The following CDK8 variants were observed in gnomAD, a reference collection of about 807,000 sequenced individuals.
CDK8 encodes cyclin-dependent kinase 8.
CDK8 carries 29 observed loss-of-function variants against 71.5 expected under a neutral mutation model. The observed-to-expected ratio is 0.41, with a 90% CI of 0.30 to 0.55. CDK8 has a LOEUF of 0.55. CDK8 is among the 20% of genes least tolerant of loss of function. CDK8 has a pLI of 0.37. For synonymous variants in CDK8, 161 were observed against 192.1 expected, an observed-to-expected ratio of 0.84 and a Z score of 1.34; for missense variants, 288 against 572.6, an observed-to-expected ratio of 0.50 and a Z score of 5.07.
At chr13:26,383,134 G>C (rs1875310062) in intron 5 of CDK8, among the ~76,000 whole-genome samples, 1 of 152,164 alleles carries the variant, frequency 6.6e-6, no homozygotes, top group Non-Finnish European at 1.5e-5. Context: ...ATGGCCTATA[G>C]AGGTGAGGGG....
At position 26,391,377 on chromosome 13, in the gene CDK8, G is replaced by A. The variant is rs547285776; in HGVS notation, c.647-1990G>A. On this transcript the variant is annotated intron_variant, in intron 6 of 12. Coordinates refer to ENST00000381527, the MANE Select transcript of CDK8 (RefSeq NM_001260.3). ...CCGCCTCAGCCTCCTGAGTAGCTGG[G>A]ACTACAGGCATATGCCAGTATGCTC... Among the ~76,000 whole-genome samples the A allele has an allele frequency of 1.1e-3, 171 of 152,310 alleles. 1 individual carries two copies. The highest frequency in any genetic ancestry group is 5.4e-4 in the Non-Finnish European group (37 of 68,032).
At chr13:26,338,283 A>G (rs1050598898) in intron 2 of CDK8, among the ~76,000 whole-genome samples, 6 of 152,020 alleles carry the variant, frequency 3.9e-5, no homozygotes, top group African/African-American at 1.2e-4. Context: ...ATATTCTAGG[A>G]TATATATTAT....
intron 4 of CDK8, among the ~76,000 whole-genome samples, chr13:26,355,314 C>T (rs1873846660): frequency 6.6e-6 from 1 of 152,290 alleles, no homozygotes; most frequent in East Asian, 1.9e-4. Flanking sequence ...GAATATTTCA[C>T]TTATAAAAAT....
In CDK8 at chr13:26,386,638, G is replaced by C. The variant is rs551668997; in HGVS notation, c.646+1296G>C. On this transcript the variant is annotated intron_variant, in intron 6 of 12. Coordinates refer to ENST00000381527, the MANE Select transcript of CDK8 (RefSeq NM_001260.3). ...GTATGTTCTCATGTAAATTCCTTTGGAACTGTATCTTAGAGGTAAATTTTC... is the reference window on the plus strand; with the variant it reads ...GTATGTTCTCATGTAAATTCCTTTGCAACTGTATCTTAGAGGTAAATTTTC... 2.8e-4 allele frequency among the ~76,000 whole-genome samples: 42 copies of C among 152,128 alleles called. No homozygotes were observed. In the South Asian group the frequency reaches 8.7e-3, roughly 32 times the overall value.
intron 1 of CDK8, among the ~76,000 whole-genome samples, chr13:26,313,451 A>G (rs929730155): frequency 6.6e-6 from 1 of 152,228 alleles, no homozygotes; most frequent in African/African-American, 2.4e-5. Context: ...TATCATTAAC[A>G]TAAATAGAGA....
intron 4 of CDK8, among the ~76,000 whole-genome samples, chr13:26,366,444 G>A (rs1307545298): frequency 1.3e-5 from 2 of 151,996 alleles, no homozygotes; most frequent in Non-Finnish European, 2.9e-5. Flanking sequence ...ATCAGTAACC[G>A]TTACTGAATT....
At chr13:26,273,658 T>G (rs1459819168) in intron 1 of CDK8, among the ~76,000 whole-genome samples, 1 of 151,536 alleles carries the variant, frequency 6.6e-6, no homozygotes, top group Non-Finnish European at 1.5e-5. Context: ...TCCAGGTGCT[T>G]TAAAAAATAT....
At chr13:26,372,154 T>G (rs985533602) in intron 4 of CDK8, among the ~76,000 whole-genome samples, 1 of 152,164 alleles carries the variant, frequency 6.6e-6, no homozygotes, top group Non-Finnish European at 1.5e-5. Context: ...TGCATTAATC[T>G]CTCAGAACAC....
At chr13:26,280,044 T>C (rs1872683335) in intron 1 of CDK8, among the ~76,000 whole-genome samples, 1 of 152,160 alleles carries the variant, frequency 6.6e-6, no homozygotes. Context: ...GATATATAGA[T>C]GTTTATTATA....
At chr13:26,281,397 C>T (rs1233005613) in intron 1 of CDK8, among the ~76,000 whole-genome samples, 1 of 152,204 alleles carries the variant, frequency 6.6e-6, no homozygotes, top group Non-Finnish European at 1.5e-5. Context: ...ACAATCACTG[C>T]AGTGTGGCTT....
chr13:26,334,920 G>A (rs1392292755), intron 1 of CDK8, among the ~76,000 whole-genome samples: 1 of 152,006 alleles, frequency 6.6e-6, no homozygotes, highest in Non-Finnish European at 1.5e-5. Context: ...CTTTCCATCT[G>A]TATTCGTTCC....
intron 2 of CDK8, among the ~76,000 whole-genome samples, chr13:26,347,627 A>G (rs1397817565): frequency 6.6e-6 from 1 of 152,210 alleles, no homozygotes; most frequent in Non-Finnish European, 1.5e-5. Flanking sequence ...CAAAAGACAT[A>G]CTAAATAGAC....
At chr13:26,393,050 A>T (rs913200522) in intron 6 of CDK8, among the ~76,000 whole-genome samples, 1 of 152,202 alleles carries the variant, frequency 6.6e-6, no homozygotes, top group Admixed American at 6.5e-5. Context: ...TCACCTGGAC[A>T]TTGAAAACTC....
intron 1 of CDK8, among the ~76,000 whole-genome samples, chr13:26,270,471 C>T (rs1055230131): frequency 5.3e-5 from 8 of 151,882 alleles, no homozygotes; most frequent in East Asian, 3.9e-4. Context: ...CAGCTATTAC[C>T]GCAATCTGAT....
intron 1 of CDK8, among the ~76,000 whole-genome samples, chr13:26,333,039 C>G (rs977138150): frequency 1.3e-5 from 2 of 152,170 alleles, no homozygotes; most frequent in African/African-American, 4.8e-5. Flanking sequence ...GCATAACACA[C>G]CGTTGATTCT....
intron 3 of CDK8, among the ~76,000 whole-genome samples, chr13:26,349,934 T>G (rs990036754): frequency 5.5e-4 from 84 of 152,212 alleles, no homozygotes; most frequent in African/African-American, 1.9e-3. Context: ...TAGTACCATA[T>G]TGTTACTGTA....
intron 1 of CDK8, among the ~76,000 whole-genome samples, chr13:26,337,265 A>G (rs1336125408): frequency 2.6e-5 from 4 of 152,204 alleles, no homozygotes; most frequent in African/African-American, 9.6e-5. Context: ...TTATGTTCAT[A>G]TATTAGAGCA....
At chr13:26,301,993 T>C (rs1873843195) in intron 1 of CDK8, among the ~76,000 whole-genome samples, 1 of 152,232 alleles carries the variant, frequency 6.6e-6, no homozygotes, top group African/African-American at 2.4e-5. Context: ...CTTAAAATGG[T>C]TCACAGAAAG....
At chr13:26,380,214 C>G (rs942412408) in intron 4 of CDK8, among the ~76,000 whole-genome samples, 1 of 152,166 alleles carries the variant, frequency 6.6e-6, no homozygotes, top group Non-Finnish European at 1.5e-5. Flanking sequence ...GAGTCTCACT[C>G]TGTCACACAG....
Sources: gnomAD v4.1 joint callset for allele counts (sites outside exome capture counted in the v4.1 genomes callset) on GRCh38, gnomAD v4.1.1 for gene constraint, MANE v1.5 for transcripts, NCBI Gene and HGNC (gene_info 2026-07-23, HGNC 2026-07-21) for gene names.